ARNT: variants seen among roughly 807,000 people sequenced by gnomAD.
ARNT encodes class E basic helix-loop-helix protein 2.
In ARNT, 30 loss-of-function variants were observed where a neutral mutation model predicts 105.0. The observed-to-expected ratio is 0.29, with a 90% CI of 0.21 to 0.39. The LOEUF is 0.39. Among genes scored for constraint, ARNT ranks in the 10% least tolerant of loss-of-function variants. ARNT has a pLI of 1.00. For missense variants in ARNT, 748 were observed against 978.7 expected, an observed-to-expected ratio of 0.76 and a Z score of 3.15; for synonymous variants, 304 against 344.0, an observed-to-expected ratio of 0.88 and a Z score of 1.29.
intron 19 of ARNT, among the ~76,000 whole-genome samples, chr1:150,815,033 T>C (rs2101571253): frequency 6.6e-6 from 1 of 152,326 alleles, no homozygotes; most frequent in South Asian, 2.1e-4. Flanking sequence ...GAATCATTCA[T>C]AATTCCATGG....
chr1:150,829,318 G>A (rs977241219), intron 11 of ARNT, 91 bp from the exon 12 acceptor site: 13 of 1,362,460 alleles, frequency 9.5e-6, no homozygotes, highest in Non-Finnish European at 3.0e-6. Context: ...ATAGACATAA[G>A]ATTCCCAGTT....
intron 6 of ARNT, 187 bp downstream of exon 6, chr1:150,839,254 A>G (rs1019640864): frequency 5.4e-5 from 33 of 613,998 alleles, no homozygotes; most frequent in African/African-American, 5.2e-4. Context: ...AGCTTATTAA[A>G]TAGTTTTCAC....
At chr1:150,819,925 T>C (rs1288047224) in intron 14 of ARNT, among the ~76,000 whole-genome samples, 10 of 152,138 alleles carry the variant, frequency 6.6e-5, no homozygotes, top group Admixed American at 6.6e-4. Flanking sequence ...GTATGTGAAA[T>C]ATATCTCATA....
intron 3 of ARNT, among the ~76,000 whole-genome samples, chr1:150,851,831 G>A (rs1053772045): frequency 4.0e-5 from 6 of 151,678 alleles, no homozygotes; most frequent in South Asian, 2.1e-4. Context: ...CCCCCTCTGC[G>A]AGAAACACCC....
chr1:150,853,716 A>G (rs1321765478), intron 2 of ARNT, among the ~76,000 whole-genome samples: 1 of 152,258 alleles, frequency 6.6e-6, no homozygotes, highest in East Asian at 1.9e-4. Flanking sequence ...TGAGAATAGG[A>G]AAGTGTCACA....
chr1:150,851,138 C>A (rs1437927673), intron 3 of ARNT, among the ~76,000 whole-genome samples: 4 of 151,472 alleles, frequency 2.6e-5, no homozygotes, highest in Admixed American at 6.6e-5. Context: ...GCAGCCGCCC[C>A]GTCCGGGAGG....
intron 6 of ARNT, among the ~76,000 whole-genome samples, chr1:150,837,399 A>C (rs1356943154): frequency 6.6e-6 from 1 of 152,156 alleles, no homozygotes; most frequent in Non-Finnish European, 1.5e-5. Context: ...GGAACAGCAT[A>C]CATATATTTT....
intron 3 of ARNT, among the ~76,000 whole-genome samples, chr1:150,848,074 T>A (rs796326142): frequency 9.8e-5 from 15 of 152,326 alleles, no homozygotes; most frequent in African/African-American, 3.6e-4. Context: ...AGGAGATAAG[T>A]GTGTGTATGC....
At chr1:150,834,682 G>A (rs779429788) in intron 7 of ARNT, 42 bp from the exon 8 acceptor site, 1 of 1,555,788 alleles carries the variant, frequency 6.4e-7, no homozygotes, top group Non-Finnish European at 8.9e-7. Context: ...GCATTTTTGT[G>A]TGTGGGGAAG....
At chr1:150,866,441 T>C (rs1048837189) in intron 1 of ARNT, among the ~76,000 whole-genome samples, 1 of 152,214 alleles carries the variant, frequency 6.6e-6, no homozygotes, top group Non-Finnish European at 1.5e-5. Flanking sequence ...CCTTGATGTG[T>C]GCACAGCCCC....
At chr1:150,873,039 C>T (rs1332002064) in intron 1 of ARNT, among the ~76,000 whole-genome samples, 2 of 151,890 alleles carry the variant, frequency 1.3e-5, no homozygotes, top group African/African-American at 2.4e-5. Context: ...AATCCCAGCA[C>T]TTTGGGAGGC....
intron 12 of ARNT, among the ~76,000 whole-genome samples, chr1:150,828,596 T>G (rs929989420): frequency 2.0e-5 from 3 of 152,118 alleles, no homozygotes; most frequent in African/African-American, 7.2e-5. Flanking sequence ...TCAAGACCTC[T>G]TTTTCACCAA....
chr1:150,833,899 A>C (rs1264287504), intron 8 of ARNT, among the ~76,000 whole-genome samples: 1 of 151,668 alleles, frequency 6.6e-6, no homozygotes, highest in Non-Finnish European at 1.5e-5. Flanking sequence ...TGTATCAAAC[A>C]GTATGTAACA....
chr1:150,829,064 G>A, intron 12 of ARNT, 29 bp downstream of exon 12: 1 of 1,610,220 alleles, frequency 6.2e-7, no homozygotes, highest in Non-Finnish European at 8.5e-7. Flanking sequence ...AAAGGAAAAT[G>A]GAGGCCTAAT....
Position 150,823,675 on chromosome 1 carries a change from C to T in ARNT, c.1243-330G>A, listed in dbSNP as rs587749410. Among the ~76,000 whole-genome samples the T allele has an allele frequency of 5.2e-4, 79 of 151,976 alleles. 1 individual carries two copies. The highest frequency in any genetic ancestry group is 4.8e-3 in the Admixed American group (74 of 15,266). ...AAGCGATTTTCTTGCCTCAGCCTCC[C>T]GAGTGGCTGGGACTACAGGCGCGTG... On this transcript the variant is annotated intron_variant, in intron 13 of 21. Coordinates refer to ENST00000358595, the MANE Select transcript of ARNT (RefSeq NM_001668.4).
intron 9 of ARNT, 118 bp downstream of exon 9, chr1:150,832,216 G>C (rs1659475801): frequency 9.9e-7 from 1 of 1,011,426 alleles, no homozygotes; most frequent in Non-Finnish European, 1.5e-6. Context: ...TGTTAAGTGG[G>C]AGGTAAGGGA....
intron 2 of ARNT, among the ~76,000 whole-genome samples, chr1:150,854,857 CAAAAAAA>C (rs769273005): frequency 6.3e-5 from 2 of 31,628 alleles, no homozygotes; most frequent in Admixed American, 4.0e-4. Context: ...AACTACATCT[CAAAAAAA>C]AAAAAAAAAA....
chr1:150,864,777 TA>T (rs1310342123), intron 1 of ARNT, among the ~76,000 whole-genome samples: 21 of 123,678 alleles, frequency 1.7e-4, no homozygotes, highest in Non-Finnish European at 2.8e-4. Flanking sequence ...AATAAATAAA[TA>T]AATAAATAAA....
chr1:150,835,474 G>A (rs1054974724), intron 7 of ARNT, among the ~76,000 whole-genome samples: 1 of 152,102 alleles, frequency 6.6e-6, no homozygotes, highest in Non-Finnish European at 1.5e-5. Context: ...GTGGTGACAT[G>A]AACTACTCCT....
Sources: allele counts gnomAD v4.1 joint callset (sites outside exome capture counted in the v4.1 genomes callset), GRCh38; gene constraint gnomAD v4.1.1; transcripts MANE v1.5; gene names NCBI Gene and HGNC (gene_info 2026-07-23, HGNC 2026-07-21).